Variants in PRKD3 observed in about 807,000 individuals in gnomAD.
The protein encoded by PRKD3 is protein kinase D3.
PRKD3 carries 47 observed loss-of-function variants against 99.2 expected under a neutral mutation model. That is an observed-to-expected ratio of 0.47 (90% CI 0.38 to 0.60). The LOEUF is 0.60. Among genes scored for constraint, PRKD3 ranks in the 20% least tolerant of loss-of-function variants. The pLI, the probability that PRKD3 is intolerant of heterozygous loss-of-function variation, is 0.00. For synonymous variants in PRKD3, 392 were observed against 355.4 expected (o/e 1.10, Z -1.16); for missense variants, 1,019 against 1,088.4 (o/e 0.94, Z 0.90).
intron 13 of PRKD3, chr2:37,268,506 A>G: frequency 2.8e-6 from 1 of 354,678 alleles, no homozygotes; most frequent in Non-Finnish European, 5.5e-6. Context: ...CGCTCCAATA[A>G]AGTTCAGTGG....
intron 1 of PRKD3, among the ~76,000 whole-genome samples, chr2:37,322,133 G>A (rs1234343382): frequency 2.0e-5 from 3 of 152,120 alleles, no homozygotes; most frequent in Non-Finnish European, 2.9e-5. Flanking sequence ...CTTTTACCAC[G>A]TAAAAGTATG....
intron 12 of PRKD3, 58 bp downstream of exon 12, chr2:37,272,322 C>A: frequency 6.3e-7 from 1 of 1,581,972 alleles, no homozygotes; most frequent in East Asian, 2.3e-5. Context: ...AGATTTTCAC[C>A]TTTTATTTTC....
At position 37,300,385 on chromosome 2, in the gene PRKD3, G is replaced by C. The variant is rs74523853; in HGVS notation, c.289-7114C>G. Among the ~76,000 whole-genome samples, 790 of 152,288 alleles carry C rather than the reference G, an allele frequency of 5.2e-3. 10 individuals carry two copies. Among genetic ancestry groups the C allele is most frequent in the African/African-American group, 0.017 (723 of 41,558 alleles). ...TACCAGAGGCTCTGAAGGGTAGTGG[G>C]TGGGGGGAATAAAAGGGTTGGTTAA... is the stretch of plus-strand genomic sequence containing the variant. On this transcript the variant is annotated intron_variant, in intron 2 of 18. Transcript: ENST00000234179.
rs969383499 is a variant in PRKD3, at chr2:37,253,030, T to G, written c.*147A>C. The G allele has an allele frequency of 1.1e-5, 8 of 706,230 alleles. No individual in the cohort carries two copies. In the African/African-American group the frequency reaches 1.5e-4, roughly 13 times the overall value. The allele number at this position is 706,230 out of a possible 1,614,324, so 43.7% of individuals were successfully genotyped here. On this transcript the variant is annotated 3_prime_UTR_variant, in exon 19 of 19. Coordinates refer to ENST00000234179, the MANE Select transcript of PRKD3 (RefSeq NM_005813.6). ...GTTTCCCGCCTGTACCTACTCATTA[T>G]GAACTACAGTACTGGTGTCACTTAT...
At chr2:37,299,721 C>G (rs957062975) in intron 2 of PRKD3, among the ~76,000 whole-genome samples, 2 of 151,936 alleles carry the variant, frequency 1.3e-5, no homozygotes, top group African/African-American at 2.4e-5. Context: ...AAAAAATAAG[C>G]AAAAGATCTA....
chr2:37,311,834 C>T (rs1051329355), intron 2 of PRKD3, among the ~76,000 whole-genome samples: 1 of 152,102 alleles, frequency 6.6e-6, no homozygotes, highest in Non-Finnish European at 1.5e-5. Context: ...ATAGATAGAA[C>T]TCTTAAACAG....
At chr2:37,268,122 T>A (rs1668968642) in intron 13 of PRKD3, 9 of 346,426 alleles carry the variant, frequency 2.6e-5, no homozygotes, top group South Asian at 1.8e-4. Flanking sequence ...ATGCTACAGA[T>A]TAAGCAGTGA....
At position 37,257,003 on chromosome 2, in the gene PRKD3, C is replaced by A. The variant is rs944217384; in HGVS notation, c.2146-74G>T. ...TAACTACCTGTCCCTAAATATAACA[C>A]TGTATGTATCATTTCAACATACTTG... is the stretch of plus-strand genomic sequence containing the variant. On this transcript the variant is annotated intron_variant, in intron 16 of 18. Transcript: ENST00000234179. The A allele has an allele frequency of 4.1e-6, 6 of 1,459,584 alleles. No homozygotes were observed. In the Admixed American group the frequency reaches 1.1e-4, roughly 26 times the overall value. 90.4% of individuals were successfully genotyped at this position (1,459,584 alleles called of 1,614,324 possible). A position where few individuals can be genotyped will look rare whatever the true frequency, so the allele number is the denominator to read the frequency against.
chr2:37,251,301 T>C lies in PRKD3; in HGVS notation c.*1876A>G, dbSNP rs1667469825. The C allele has an allele frequency of 1.3e-5, 2 of 152,610 alleles. No homozygotes were observed. The highest frequency in any genetic ancestry group is 4.1e-4 in the South Asian group (2 of 4,822). 9.5% of individuals were successfully genotyped at this position (152,610 alleles called of 1,614,324 possible). A position where few individuals can be genotyped will look rare whatever the true frequency, so the allele number is the denominator to read the frequency against. The stretch of plus-strand genomic sequence containing the variant: ...TTTCCTGGAGGTATTTATGGGTAGA[T>C]AGTACAGCATAATGGTTGGGAGGGC... On this transcript the variant is annotated 3_prime_UTR_variant, in exon 19 of 19. Transcript: ENST00000234179.
At chr2:37,272,352 T>A (rs1244063730) in intron 12 of PRKD3, 28 bp downstream of exon 12, 1 of 1,595,784 alleles carries the variant, frequency 6.3e-7, no homozygotes, top group Non-Finnish European at 8.5e-7. Flanking sequence ...ATCACCCAGT[T>A]TACACATTAG....
chr2:37,308,458 T>C (rs534541290), intron 2 of PRKD3, among the ~76,000 whole-genome samples: 1 of 152,234 alleles, frequency 6.6e-6, no homozygotes, highest in East Asian at 1.9e-4. Flanking sequence ...AGAGTTTTGC[T>C]CTTTCCCTCA....
intron 6 of PRKD3, among the ~76,000 whole-genome samples, chr2:37,284,899 G>A (rs371844189): frequency 1.2e-4 from 18 of 151,946 alleles, no homozygotes; most frequent in Non-Finnish European, 2.5e-4. Context: ...CCATTAACTC[G>A]TCATTTAACA....
chr2:37,265,630 T>G (rs1013025312), intron 14 of PRKD3, among the ~76,000 whole-genome samples: 1 of 152,060 alleles, frequency 6.6e-6, no homozygotes, highest in African/African-American at 2.4e-5. Flanking sequence ...AAAAAGTACT[T>G]AAGTATAAAT....
Position 37,274,498 on chromosome 2 carries a change from T to A in PRKD3, c.1574A>T (p.Lys525Ile). Reference sequence around the variant, plus strand: ...AGGCATGAGGGCTTGGCGAATTGCTTTTTCCCAGCTCTGTGCTACATCAAG... The same window carrying A: ...AGGCATGAGGGCTTGGCGAATTGCTATTTCCCAGCTCTGTGCTACATCAAG... ...VGLDVAQSWEKAIRQALMPVT... is the reference protein window; with the variant it reads ...VGLDVAQSWEIAIRQALMPVT... Residue 525 changes from lysine to isoleucine, a missense_variant, in exon 11 of 19, where the codon AAA (lysine) becomes ATA (isoleucine). Lys to Ile is a moderately radical substitution (Grantham distance 102, BLOSUM62 -3). Coordinates refer to ENST00000234179, the MANE Select transcript of PRKD3 (RefSeq NM_005813.6). The A allele has an allele frequency of 6.2e-7, 1 of 1,614,142 alleles. No individual in the cohort carries two copies. Among genetic ancestry groups the A allele is most frequent in the Non-Finnish European group, 8.5e-7 (1 of 1,180,002 alleles).
At chr2:37,289,685 A>AT (rs1447819418) in intron 4 of PRKD3, among the ~76,000 whole-genome samples, 172 bp from the exon 5 acceptor site, 9 of 152,332 alleles carry the variant, frequency 5.9e-5, no homozygotes, top group African/African-American at 1.9e-4. Flanking sequence ...TCAAGAAGAA[A>AT]AGGAAATGTG....
intron 2 of PRKD3, among the ~76,000 whole-genome samples, chr2:37,306,153 G>T (rs1671157015): frequency 6.7e-6 from 1 of 149,736 alleles, no homozygotes; most frequent in African/African-American, 2.5e-5. Flanking sequence ...AACAATCACT[G>T]TAAGATGGGC....
At chr2:37,255,631 C>T (rs575057317) in intron 17 of PRKD3, among the ~76,000 whole-genome samples, 2 of 152,164 alleles carry the variant, frequency 1.3e-5, no homozygotes, top group Admixed American at 6.5e-5. Flanking sequence ...TATAAGGAAC[C>T]GGAGCTAGGT....
intron 11 of PRKD3, among the ~76,000 whole-genome samples, chr2:37,273,694 A>G (rs1310652466): frequency 6.6e-6 from 1 of 152,274 alleles, no homozygotes; most frequent in African/African-American, 2.4e-5. Context: ...CTAAACTAAA[A>G]TAAACTACCT....
At chr2:37,281,678 A>G (rs1432928138) in intron 7 of PRKD3, among the ~76,000 whole-genome samples, 1 of 152,202 alleles carries the variant, frequency 6.6e-6, no homozygotes, top group Non-Finnish European at 1.5e-5. Context: ...TACCTAGCCT[A>G]TGGTATTTTG....
Sources: allele counts gnomAD v4.1 joint callset (sites outside exome capture counted in the v4.1 genomes callset), GRCh38; gene constraint gnomAD v4.1.1; transcripts MANE v1.5; gene names NCBI Gene and HGNC (gene_info 2026-07-23, HGNC 2026-07-21).